The following H2AZ2 variants were observed in gnomAD, a reference collection of about 807,000 sequenced individuals.
The protein encoded by H2AZ2 is histone H2A.V.
Under a neutral mutation model 15.5 loss-of-function variants are expected in H2AZ2, and 5 were observed. The observed-to-expected ratio is 0.32, with a 90% confidence interval of 0.17 to 0.68. The LOEUF (loss-of-function observed/expected upper bound fraction) is 0.68. Ranked by LOEUF, H2AZ2 falls within the 30% of genes least tolerant of loss-of-function variation. The pLI is 0.72. For synonymous variants in H2AZ2, 44 were observed against 57.4 expected (o/e 0.77, Z 1.05); for missense variants, 42 against 162.5 (o/e 0.26, Z 4.03).
downstream of H2AZ2, among the ~76,000 whole-genome samples, chr7:44,830,406 T>A (rs114606276): frequency 2.5e-3 from 387 of 152,306 alleles, no homozygotes; most frequent in African/African-American, 8.7e-3. Context: ...ACATTTCTCA[T>A]TAAATGTTTC....
downstream of H2AZ2, chr7:44,828,864 G>A (rs569720259): frequency 2.0e-5 from 3 of 152,260 alleles, no homozygotes; most frequent in Middle Eastern, 3.4e-3. Context: ...CAAGCTCACT[G>A]GAAGGATTCA....
downstream of H2AZ2, among the ~76,000 whole-genome samples, chr7:44,831,530 T>TA (rs765962656): frequency 2.0e-5 from 3 of 148,484 alleles, no homozygotes; most frequent in Non-Finnish European, 4.5e-5. Context: ...TATATTGCAC[T>TA]CCCCCCCCCG....
rs964264045 is a variant in H2AZ2 at position 44,833,907 on chromosome 7, G to A, written c.*594C>T. Among the ~76,000 whole-genome samples the A allele has an allele frequency of 3.9e-5, 6 of 152,046 alleles. No individual in the cohort carries two copies. Among genetic ancestry groups the A allele is most frequent in the African/African-American group, 9.7e-5 (4 of 41,438 alleles). ...GCCTGGCACATGGTAAGTGCTTGGT[G>A]TAGAATTCAAATAATTCCACTACCA... On this transcript the variant is annotated 3_prime_UTR_variant, in exon 5 of 5. Transcript: ENST00000308153.
intron 1 of H2AZ2, among the ~76,000 whole-genome samples, chr7:44,846,032 C>T (rs113899874): frequency 0.019 from 1,710 of 89,816 alleles, 11 homozygotes; most frequent in Middle Eastern, 0.031. Context: ...ATTACACACA[C>T]ACACACACAC....
chr7:44,841,071 A>C (rs544076727), intron 2 of H2AZ2, 59 bp from the exon 3 acceptor site: 3 of 1,239,878 alleles, frequency 2.4e-6, no homozygotes, highest in Non-Finnish European at 3.5e-6. Flanking sequence ...CACTGACTGT[A>C]ATCAAAGGCT....
chr7:44,847,030 T>C (rs1191656567), intron 1 of H2AZ2, among the ~76,000 whole-genome samples: 3 of 152,152 alleles, frequency 2.0e-5, no homozygotes, highest in Admixed American at 2.0e-4. Flanking sequence ...ACAAGACAAA[T>C]CATCTAATAC....
At chr7:44,841,077 A>C (rs1364776883) in intron 2 of H2AZ2, 65 bp from the exon 3 acceptor site, 2 of 1,182,286 alleles carry the variant, frequency 1.7e-6, no homozygotes, top group Non-Finnish European at 2.5e-6. Context: ...CTGTAATCAA[A>C]GGCTGAACAA....
downstream of H2AZ2, among the ~76,000 whole-genome samples, chr7:44,831,330 T>C (rs1425507988): frequency 1.3e-5 from 2 of 152,016 alleles, no homozygotes; most frequent in Non-Finnish European, 2.9e-5. Flanking sequence ...AAGCCCAGAG[T>C]ACATGACCTA....
chr7:44,847,846 C>T, intron 1 of H2AZ2, 123 bp downstream of exon 1: 2 of 1,354,106 alleles, frequency 1.5e-6, no homozygotes, highest in South Asian at 2.7e-5. Flanking sequence ...CGGCGAGGGG[C>T]TCGGCCGGAC....
At chr7:44,834,686 C>T (rs1449062849) in intron 4 of H2AZ2, 124 bp from the exon 5 acceptor site, 18 of 827,776 alleles carry the variant, frequency 2.2e-5, no homozygotes, top group Non-Finnish European at 2.2e-5. Context: ...GTTAAACTAT[C>T]TATACCAATG....
chr7:44,842,603 T>C (rs545071965), intron 2 of H2AZ2, among the ~76,000 whole-genome samples: 9 of 152,346 alleles, frequency 5.9e-5, no homozygotes, highest in Admixed American at 1.3e-4. Flanking sequence ...TATGTTACTT[T>C]ATTCCTAAAC....
intron 2 of H2AZ2, among the ~76,000 whole-genome samples, chr7:44,843,008 G>A (rs1269559370): frequency 5.9e-5 from 9 of 151,532 alleles, no homozygotes; most frequent in African/African-American, 1.9e-4. Flanking sequence ...GTATGGTGGC[G>A]CACGCCTGCA....
At chr7:44,830,794 T>G (rs1217874987), downstream of H2AZ2, among the ~76,000 whole-genome samples, 1 of 152,118 alleles carries the variant, frequency 6.6e-6, no homozygotes, top group African/African-American at 2.4e-5. Flanking sequence ...GGTCAGGAGT[T>G]TGAGACCAGC....
chr7:44,838,742 G>A (rs564874652), intron 3 of H2AZ2, among the ~76,000 whole-genome samples: 2 of 152,102 alleles, frequency 1.3e-5, no homozygotes, highest in Non-Finnish European at 2.9e-5. Flanking sequence ...TCCATAATTC[G>A]ATGTTAAATC....
At chr7:44,831,712 G>A (rs985768820), downstream of H2AZ2, among the ~76,000 whole-genome samples, 2 of 152,280 alleles carry the variant, frequency 1.3e-5, 1 homozygote, top group South Asian at 4.1e-4. Flanking sequence ...GCTAATAGAT[G>A]CAGAAGGAAT....
downstream of H2AZ2, chr7:44,827,197 A>C (rs1792936453): frequency 6.6e-6 from 1 of 152,256 alleles, no homozygotes; most frequent in African/African-American, 2.4e-5. Context: ...TCAAATAGCA[A>C]AAGGTCCTAA....
downstream of H2AZ2, chr7:44,828,254 T>C (rs962774047): frequency 1.3e-5 from 2 of 152,238 alleles, no homozygotes; most frequent in African/African-American, 4.8e-5. Flanking sequence ...TTAACGACCT[T>C]GGTACTTCCT....
At chr7:44,834,784 C>CTTT (rs35455193) in intron 4 of H2AZ2, 205 of 159,488 alleles carry the variant, frequency 1.3e-3, no homozygotes, top group Middle Eastern at 2.7e-3. Flanking sequence ...GTAACCATAG[C>CTTT]TTTTTTTTTT....
chr7:44,830,282 G>A (rs1792981770), downstream of H2AZ2: 1 of 952,338 alleles, frequency 1.1e-6, no homozygotes, highest in Admixed American at 2.6e-5. Context: ...TATAGATATA[G>A]GTGGTGAGTA....
Sources: allele counts gnomAD v4.1 joint callset (sites outside exome capture counted in the v4.1 genomes callset), GRCh38; gene constraint gnomAD v4.1.1; transcripts MANE v1.5; gene names NCBI Gene and HGNC (gene_info 2026-07-23, HGNC 2026-07-21).